Variants in BABAM2 observed in about 807,000 individuals in gnomAD.
BABAM2 encodes the protein BRISC and BRCA1-A complex member 2.
In BABAM2, 31 loss-of-function variants were observed where a neutral mutation model predicts 54.7. That is an observed-to-expected ratio of 0.57 (90% CI 0.43 to 0.77). BABAM2 has a LOEUF of 0.77. Among genes scored for constraint, BABAM2 ranks in the 30% least tolerant of loss-of-function variants. The pLI is 0.00. For missense variants in BABAM2, 364 were observed against 455.8 expected (o/e 0.80, Z 1.83); for synonymous variants, 167 against 162.9 (o/e 1.03, Z -0.19).
At chr2:27,955,544 C>T (rs1670022922) in intron 3 of BABAM2, among the ~76,000 whole-genome samples, 1 of 152,192 alleles carries the variant, frequency 6.6e-6, no homozygotes, top group Admixed American at 6.5e-5. Context: ...TAAATCTTGT[C>T]TGGTTTTTCC....
intron 6 of BABAM2, among the ~76,000 whole-genome samples, chr2:28,101,981 T>TA (rs1667120790): frequency 6.6e-6 from 1 of 152,140 alleles, no homozygotes; most frequent in Non-Finnish European, 1.5e-5. Context: ...CTGTAGTTGC[T>TA]AGAAAAAAAT....
chr2:28,024,739 T>A (rs1328328838), intron 4 of BABAM2, among the ~76,000 whole-genome samples: 1 of 152,208 alleles, frequency 6.6e-6, no homozygotes, highest in East Asian at 1.9e-4. Context: ...ACCATTGTGC[T>A]TATATTTCTG....
chr2:28,219,882 C>T (rs1680240318), intron 7 of BABAM2, among the ~76,000 whole-genome samples: 1 of 152,164 alleles, frequency 6.6e-6, no homozygotes, highest in Admixed American at 6.5e-5. Flanking sequence ...CAAAATGAAG[C>T]TGTGCTGCTG....
chr2:28,238,088 G>A (rs966486420), intron 8 of BABAM2, among the ~76,000 whole-genome samples: 29 of 152,132 alleles, frequency 1.9e-4, no homozygotes, highest in African/African-American at 6.8e-4. Context: ...GACTTCAGAT[G>A]ATCTGCCTAC....
At chr2:28,050,421 A>G (rs1677912393) in intron 6 of BABAM2, among the ~76,000 whole-genome samples, 1 of 152,154 alleles carries the variant, frequency 6.6e-6, no homozygotes, top group Non-Finnish European at 1.5e-5. Flanking sequence ...AGATCTTACT[A>G]TGACCCAGTG....
chr2:28,119,594 T>C (rs1668892870), intron 6 of BABAM2, among the ~76,000 whole-genome samples: 1 of 152,206 alleles, frequency 6.6e-6, no homozygotes, highest in African/African-American at 2.4e-5. Context: ...TTGTATGACA[T>C]GTGTTTCAAT....
intron 2 of BABAM2, among the ~76,000 whole-genome samples, chr2:27,905,737 A>T (rs868729961): frequency 6.6e-6 from 1 of 152,186 alleles, no homozygotes; most frequent in African/African-American, 2.4e-5. Context: ...GCTCACTCTC[A>T]TCTAACAAAA....
At chr2:28,209,399 C>T (rs1230754806) in intron 7 of BABAM2, among the ~76,000 whole-genome samples, 3 of 152,134 alleles carry the variant, frequency 2.0e-5, no homozygotes, top group Admixed American at 6.5e-5. Flanking sequence ...GGAACTTTGA[C>T]GATAATAGAG....
chr2:28,285,808 G>A (rs896348372), intron 10 of BABAM2, among the ~76,000 whole-genome samples: 10 of 151,534 alleles, frequency 6.6e-5, no homozygotes, highest in Admixed American at 2.0e-4. Flanking sequence ...GGGCTCAAGC[G>A]ATCCTCCCGC....
At chr2:27,890,071 C>T (rs1664690420), upstream of BABAM2, 1 of 580,054 alleles carries the variant, frequency 1.7e-6, no homozygotes, top group South Asian at 2.1e-5. This position sits in a 1 kb window ranked among gnomAD's most constrained non-coding sequence, Gnocchi z 4.8. Flanking sequence ...CTGAGATTTA[C>T]CTTTATATAC....
intron 7 of BABAM2, among the ~76,000 whole-genome samples, chr2:28,235,537 G>A (rs755098763): frequency 6.6e-6 from 1 of 152,150 alleles, no homozygotes; most frequent in Non-Finnish European, 1.5e-5. Flanking sequence ...AGGGAGACAG[G>A]ATGGGTTTGG....
At chr2:27,912,996 A>G (rs1050636358) in intron 2 of BABAM2, among the ~76,000 whole-genome samples, 12 of 152,188 alleles carry the variant, frequency 7.9e-5, no homozygotes, top group African/African-American at 2.9e-4. Context: ...GAAGACATCA[A>G]AGTAAAGCAG....
chr2:28,161,105 A>G (rs77768605), intron 7 of BABAM2, among the ~76,000 whole-genome samples: 13,103 of 152,228 alleles, frequency 0.086, 615 homozygotes, highest in East Asian at 0.15. Flanking sequence ...ATAACTGGGA[A>G]ATTGCATAAA....
At chr2:28,220,276 C>T (rs982480599) in intron 7 of BABAM2, among the ~76,000 whole-genome samples, 4 of 152,138 alleles carry the variant, frequency 2.6e-5, no homozygotes, top group African/African-American at 9.7e-5. Context: ...CTTAACCTCC[C>T]AAGCCTTACT....
At chr2:28,243,576 A>C (rs1682645808) in intron 9 of BABAM2, among the ~76,000 whole-genome samples, 1 of 151,440 alleles carries the variant, frequency 6.6e-6, no homozygotes, top group African/African-American at 2.4e-5. Context: ...GCATAGTGGC[A>C]GGTGCCTGTA....
chr2:28,127,814 T>C (rs1464296685), intron 6 of BABAM2, among the ~76,000 whole-genome samples: 1 of 151,186 alleles, frequency 6.6e-6, no homozygotes, highest in Admixed American at 6.6e-5. Context: ...GAGTCTTTTT[T>C]TTTTTTTTTT....
intron 4 of BABAM2, among the ~76,000 whole-genome samples, chr2:28,003,747 A>G (rs1252940167): frequency 6.6e-6 from 1 of 152,208 alleles, no homozygotes; most frequent in Non-Finnish European, 1.5e-5. Flanking sequence ...ATTTATTGAT[A>G]AAACTGATAA....
intron 2 of BABAM2, among the ~76,000 whole-genome samples, chr2:27,903,209 T>A (rs562524655): frequency 6.6e-6 from 1 of 152,266 alleles, no homozygotes; most frequent in South Asian, 2.1e-4. Context: ...CTTTCTGTTT[T>A]GGTCAGTCAG....
chr2:28,143,979 TG>T (rs1162749675), intron 7 of BABAM2, among the ~76,000 whole-genome samples: 1 of 152,214 alleles, frequency 6.6e-6, no homozygotes. Context: ...TTTAGTGAAA[TG>T]CAAAGGCACA....
Sources: allele counts gnomAD v4.1 joint callset (sites outside exome capture counted in the v4.1 genomes callset), GRCh38; gene constraint gnomAD v4.1.1; non-coding constraint Gnocchi (gnomAD v3.1); transcripts MANE v1.5; gene names NCBI Gene and HGNC (gene_info 2026-07-23, HGNC 2026-07-21).